RNF115: variants seen among roughly 807,000 people sequenced by gnomAD.
RNF115 encodes E3 ubiquitin-protein ligase RNF115.
Under a neutral mutation model 39.2 loss-of-function variants are expected in RNF115, and 31 were observed. The ratio of observed to expected loss-of-function variants is 0.79; its 90% confidence interval spans 0.59 to 1.07. The LOEUF (loss-of-function observed/expected upper bound fraction) is 1.07, where lower values mean the gene tolerates loss of function less well. Among genes scored for constraint, RNF115 ranks in the 50% least tolerant of loss-of-function variants. RNF115 has a pLI of 0.00. For synonymous variants in RNF115, 124 were observed against 131.0 expected, an observed-to-expected ratio of 0.95 and a Z score of 0.37; for missense variants, 384 against 381.7, an observed-to-expected ratio of 1.01 and a Z score of -0.05.
At chr1:145,823,022 G>A (rs1166436282) in intron 1 of RNF115, among the ~76,000 whole-genome samples, 1 of 79,096 alleles carries the variant, frequency 1.3e-5, no homozygotes, top group Admixed American at 1.5e-4. Flanking sequence ...TTTTTCTTAG[G>A]TGAAGAAAGG....
At chr1:145,778,300 T>C (rs139355894) in intron 3 of RNF115, among the ~76,000 whole-genome samples, 26 of 152,070 alleles carry the variant, frequency 1.7e-4, no homozygotes, top group African/African-American at 6.0e-4. Flanking sequence ...AGACAGAAAA[T>C]AGATTGGTGG....
intron 3 of RNF115, chr1:145,772,884 A>C (rs1553715961): frequency 2.0e-5 from 3 of 152,046 alleles, no homozygotes; most frequent in African/African-American, 7.3e-5. Flanking sequence ...GACTCTGTTC[A>C]TTTTTCTTCA....
chr1:145,791,175 T>C (rs782769638), intron 1 of RNF115, among the ~76,000 whole-genome samples: 1 of 150,868 alleles, frequency 6.6e-6, no homozygotes, highest in South Asian at 2.1e-4. Context: ...TACTTTTTAC[T>C]ATGTAAAGAA....
At chr1:145,788,869 TA>T in intron 2 of RNF115, 38 bp downstream of exon 2, 1 of 1,418,668 alleles carries the variant, frequency 7.0e-7, no homozygotes, top group Non-Finnish European at 9.9e-7. Context: ...ATAGTTTTGA[TA>T]ATAGAATGTC....
chr1:145,747,537 G>A (rs1384523481), intron 8 of RNF115, among the ~76,000 whole-genome samples: 6 of 152,114 alleles, frequency 3.9e-5, no homozygotes, highest in Admixed American at 3.9e-4. Context: ...TAGCTACTCT[G>A]GAGACTGAGA....
At chr1:145,773,813 G>GT (rs1159346520) in intron 3 of RNF115, 2 of 149,322 alleles carry the variant, frequency 1.3e-5, no homozygotes, top group Non-Finnish European at 3.0e-5. Flanking sequence ...TCTTTTTTTG[G>GT]TTTTTTTGTT....
At chr1:145,796,397 G>A (rs1648979232) in intron 1 of RNF115, among the ~76,000 whole-genome samples, 2 of 150,630 alleles carry the variant, frequency 1.3e-5, no homozygotes, top group South Asian at 4.2e-4. Context: ...ACATTTTGTG[G>A]TAGAAAATAC....
chr1:145,750,585 G>C (rs1658042879), intron 6 of RNF115, 85 bp from the exon 7 acceptor site: 1 of 994,524 alleles, frequency 1.0e-6, no homozygotes, highest in South Asian at 1.4e-5. Flanking sequence ...AGAACAAACA[G>C]TGCAGACATT....
intron 1 of RNF115, among the ~76,000 whole-genome samples, chr1:145,817,135 CTTTT>C (rs587620208): frequency 3.0e-3 from 96 of 31,586 alleles, no homozygotes; most frequent in African/African-American, 7.7e-3. Context: ...GAGTCTTTTT[CTTTT>C]TTGAGATAAG....
At chr1:145,757,547 A>C (rs1553713347) in intron 4 of RNF115, among the ~76,000 whole-genome samples, 1 of 152,260 alleles carries the variant, frequency 6.6e-6, no homozygotes, top group Non-Finnish European at 1.5e-5. Flanking sequence ...AAGCAAGCTA[A>C]GAAAGCTATG....
intron 8 of RNF115, 91 bp from the exon 9 acceptor site, chr1:145,747,088 C>T (rs1657905225): frequency 7.6e-7 from 1 of 1,311,526 alleles, no homozygotes; most frequent in African/African-American, 1.5e-5. Flanking sequence ...ATTGTCACAT[C>T]AAAAATTATG....
In RNF115 at chr1:145,743,795, TA is replaced by T. The variant is rs1559099446; in HGVS notation, c.*3070del. On this transcript the variant is annotated 3_prime_UTR_variant, in exon 9 of 9. Transcript: ENST00000582693. Reference sequence around the variant, plus strand: ...GCCTCCATCTCAAAAAATAAATAAATAAATAAATAAATAAATAAATAATAAT... The same window carrying T: ...GCCTCCATCTCAAAAAATAAATAAATAATAAATAAATAAATAAATAATAAT... 1.3e-4 allele frequency: 7 copies of T among 54,242 alleles called. No homozygotes were observed. Among genetic ancestry groups the T allele is most frequent in the Admixed American group, 5.0e-4 (2 of 3,986 alleles). 3.4% of individuals were successfully genotyped at this position (54,242 alleles called of 1,614,324 possible).
intron 7 of RNF115, 112 bp from the exon 8 acceptor site, chr1:145,748,222 A>C: frequency 1.4e-6 from 1 of 720,064 alleles, no homozygotes; most frequent in East Asian, 2.6e-5. Context: ...CACAAGAGAC[A>C]AAAGAAAATG....
chr1:145,813,691 T>C (rs1187818665), intron 1 of RNF115, among the ~76,000 whole-genome samples: 3 of 152,046 alleles, frequency 2.0e-5, no homozygotes, highest in South Asian at 4.2e-4. Context: ...GAGGTTTGCC[T>C]AAAATTATAC....
chr1:145,792,186 G>A (rs782757019), intron 1 of RNF115, among the ~76,000 whole-genome samples: 3 of 152,084 alleles, frequency 2.0e-5, no homozygotes, highest in Non-Finnish European at 4.4e-5. Context: ...CCAAAGTGCT[G>A]GAATTACAGG....
chr1:145,747,588 A>G (rs1014792883), intron 8 of RNF115, among the ~76,000 whole-genome samples: 1 of 152,152 alleles, frequency 6.6e-6, no homozygotes. Flanking sequence ...GGTTTCAGTG[A>G]GCTGAGATCA....
intron 3 of RNF115, among the ~76,000 whole-genome samples, chr1:145,779,123 A>C (rs1232553523): frequency 6.6e-6 from 1 of 152,168 alleles, no homozygotes; most frequent in African/African-American, 2.4e-5. Context: ...TGCCTAACAC[A>C]GGATAATAGT....
At position 145,771,897 on chromosome 1, in the gene RNF115, G is replaced by C. The variant is rs781333108; in HGVS notation, c.242C>G (p.Thr81Arg). Residue 81 changes from threonine (T) to arginine (R), a missense_variant, in exon 4 of 9, where the codon ACG (threonine) becomes AGG (arginine). Physicochemically the swap from Thr to Arg is moderately conservative, Grantham distance 71. Transcript: ENST00000582693. The stretch of plus-strand genomic sequence containing the variant: ...GGGTCTAAAATCTTGAAAAAACATC[G>C]TGTGATCCAAATGGCCCCAAAGCTA... ...FAELWGHLDH[T>R]MFFQDFRPFL... is the part of the protein sequence containing the mutation. 1 of 1,613,742 alleles carries C rather than the reference G, an allele frequency of 6.2e-7. No homozygotes were observed. Among genetic ancestry groups the C allele is most frequent in the African/African-American group, 1.3e-5 (1 of 74,898 alleles).
At chr1:145,767,116 G>C (rs1419968855) in intron 4 of RNF115, among the ~76,000 whole-genome samples, 1 of 150,610 alleles carries the variant, frequency 6.6e-6, no homozygotes, top group East Asian at 2.0e-4. Flanking sequence ...GCCCGGCAGA[G>C]GGGCTCCTCA....
Sources: gnomAD v4.1 joint callset for allele counts (sites outside exome capture counted in the v4.1 genomes callset) on GRCh38, gnomAD v4.1.1 for gene constraint, MANE v1.5 for transcripts, NCBI Gene and HGNC (gene_info 2026-07-23, HGNC 2026-07-21) for gene names.